Variants in IKZF2 observed in about 807,000 individuals in gnomAD.
IKZF2 encodes the protein IKAROS family zinc finger 2.
A neutral mutation model predicts 49.2 loss-of-function variants in IKZF2; 15 were observed. The ratio of observed to expected loss-of-function variants is 0.30; its 90% confidence interval spans 0.20 to 0.47. The LOEUF (loss-of-function observed/expected upper bound fraction) is 0.47. IKZF2 is among the 20% of genes least tolerant of loss of function. IKZF2 has a pLI of 1.00. For synonymous variants in IKZF2, 227 were observed against 221.4 expected (o/e 1.03, Z -0.23); for missense variants, 567 against 664.6 (o/e 0.85, Z 1.61).
intron 4 of IKZF2, among the ~76,000 whole-genome samples, chr2:213,105,851 C>T (rs149917019): frequency 2.0e-4 from 30 of 152,278 alleles, no homozygotes; most frequent in African/African-American, 7.2e-4. Flanking sequence ...CTTAACCAGA[C>T]TCTTCTGGAA....
At chr2:213,049,297 A>T (rs1435518730) in intron 6 of IKZF2, among the ~76,000 whole-genome samples, 2 of 152,054 alleles carry the variant, frequency 1.3e-5, no homozygotes, top group African/African-American at 2.4e-5. Flanking sequence ...TTCCACAGAG[A>T]TCCCAGCCTG....
intron 4 of IKZF2, 117 bp from the exon 5 acceptor site, chr2:213,057,216 T>C (rs1252252860): frequency 2.2e-6 from 2 of 906,208 alleles, no homozygotes; most frequent in Non-Finnish European, 3.3e-6. Flanking sequence ...TAAAGTAGAA[T>C]AGAGTTCATC....
chr2:213,149,851 C>T (rs1220107920), intron 2 of IKZF2, among the ~76,000 whole-genome samples: 1 of 150,162 alleles, frequency 6.7e-6, no homozygotes, highest in Non-Finnish European at 1.5e-5. Context: ...TCAGTCACTA[C>T]ATAGCACTTA....
At chr2:213,065,093 C>A (rs1174721359) in intron 4 of IKZF2, among the ~76,000 whole-genome samples, 2 of 152,122 alleles carry the variant, frequency 1.3e-5, no homozygotes, top group East Asian at 3.9e-4. Flanking sequence ...CTCAGTTTTC[C>A]AGAAACACAT....
intron 4 of IKZF2, among the ~76,000 whole-genome samples, chr2:213,119,161 C>G (rs2059969688): frequency 6.6e-6 from 1 of 151,952 alleles, no homozygotes; most frequent in South Asian, 2.1e-4. Context: ...CTGAGCAGGA[C>G]AGTGAAGCAA....
intron 6 of IKZF2, among the ~76,000 whole-genome samples, chr2:213,023,371 A>C (rs1473173652): frequency 1.6e-4 from 24 of 152,244 alleles, no homozygotes; most frequent in Admixed American, 1.5e-3. Flanking sequence ...TGAGGTACAC[A>C]TAAATTAAGA....
chr2:213,128,804 CTTTTTTTTTT>C (rs1184422126), intron 4 of IKZF2, among the ~76,000 whole-genome samples: 1 of 113,182 alleles, frequency 8.8e-6, no homozygotes, highest in Non-Finnish European at 1.7e-5. Flanking sequence ...ATTTTTTTTT[CTTTTTTTTTT>C]TTTTTTTTTG....
At chr2:213,033,999 T>G (rs548178893) in intron 6 of IKZF2, among the ~76,000 whole-genome samples, 1 of 152,372 alleles carries the variant, frequency 6.6e-6, no homozygotes, top group African/African-American at 2.4e-5. Flanking sequence ...CTGGATGAAT[T>G]ACTGTAGCCT....
In IKZF2 at chr2:213,129,443, C is replaced by T. The variant is rs114137674; in HGVS notation, c.139+18265G>A. Among the ~76,000 whole-genome samples, 1,489 of 150,606 alleles carry T rather than the reference C, an allele frequency of 9.9e-3. 23 individuals are homozygous for T. The highest frequency in any genetic ancestry group is 0.035 in the African/African-American group (1,419 of 40,826). On this transcript the variant is annotated intron_variant, in intron 4 of 8. Coordinates refer to ENST00000434687, the MANE Select transcript of IKZF2 (RefSeq NM_001387220.1). ...TCCCAAACCAAAGAAACAGCAAGTACAGAGGTCCTTAGACAGGAACGAACT... is the reference window on the plus strand; with the variant it reads ...TCCCAAACCAAAGAAACAGCAAGTATAGAGGTCCTTAGACAGGAACGAACT...
intron 6 of IKZF2, among the ~76,000 whole-genome samples, chr2:213,042,927 C>T (rs1218149566): frequency 2.0e-5 from 3 of 151,988 alleles, no homozygotes; most frequent in Non-Finnish European, 4.4e-5. Context: ...TTCCATGTTA[C>T]TAGACTTATT....
chr2:213,138,320 G>A (rs969100432), intron 4 of IKZF2, among the ~76,000 whole-genome samples: 44 of 152,090 alleles, frequency 2.9e-4, no homozygotes, highest in African/African-American at 9.9e-4. Flanking sequence ...GAAAACATAA[G>A]AACTGTTTAG....
At chr2:213,059,103 A>C (rs552451839) in intron 4 of IKZF2, among the ~76,000 whole-genome samples, 1 of 151,918 alleles carries the variant, frequency 6.6e-6, no homozygotes, top group South Asian at 2.1e-4. Flanking sequence ...GTTTTTAAAA[A>C]GCATTTTAAA....
intron 4 of IKZF2, among the ~76,000 whole-genome samples, chr2:213,109,274 A>C (rs1418089228): frequency 1.3e-5 from 2 of 151,704 alleles, no homozygotes; most frequent in Non-Finnish European, 2.9e-5. Flanking sequence ...TTTATAATCC[A>C]CCTCCCCTTT....
At chr2:213,108,518 A>G (rs559328325) in intron 4 of IKZF2, among the ~76,000 whole-genome samples, 2 of 152,242 alleles carry the variant, frequency 1.3e-5, no homozygotes, top group African/African-American at 4.8e-5. Context: ...ATCTGATCCC[A>G]CTGCAGTAGC....
At chr2:213,035,955 G>A (rs1280066201) in intron 6 of IKZF2, among the ~76,000 whole-genome samples, 1 of 152,228 alleles carries the variant, frequency 6.6e-6, no homozygotes, top group Admixed American at 6.5e-5. Context: ...GCTTTCATGA[G>A]TATATTGGAA....
chr2:213,065,414 AATATGT>A (rs1344246681), intron 4 of IKZF2, among the ~76,000 whole-genome samples: 1 of 152,096 alleles, frequency 6.6e-6, no homozygotes. Context: ...CAAAGCACCC[AATATGT>A]ATTTGTTGAA....
intron 8 of IKZF2, among the ~76,000 whole-genome samples, chr2:213,010,211 G>C (rs1294647102): frequency 3.9e-5 from 6 of 152,080 alleles, no homozygotes; most frequent in African/African-American, 1.4e-4. Flanking sequence ...ATTCAGAAGA[G>C]AGACCTGGGC....
chr2:213,091,782 C>T (rs914654260), intron 4 of IKZF2, among the ~76,000 whole-genome samples: 3 of 151,912 alleles, frequency 2.0e-5, no homozygotes, highest in Non-Finnish European at 1.5e-5. Context: ...CACTCTAGTG[C>T]TAATATATTT....
chr2:213,101,852 G>A (rs1706723971), intron 4 of IKZF2, among the ~76,000 whole-genome samples: 1 of 152,134 alleles, frequency 6.6e-6, no homozygotes, highest in South Asian at 2.1e-4. Flanking sequence ...CACCTAGAGT[G>A]CAAAGAAACA....
Sources: allele counts gnomAD v4.1 joint callset (sites outside exome capture counted in the v4.1 genomes callset), GRCh38; gene constraint gnomAD v4.1.1; transcripts MANE v1.5; gene names NCBI Gene and HGNC (gene_info 2026-07-23, HGNC 2026-07-21).